The following GIGYF2 variants were observed in gnomAD, a reference collection of about 807,000 sequenced individuals.
GIGYF2 encodes GRB10-interacting GYF protein 2.
A neutral mutation model predicts 208.1 loss-of-function variants in GIGYF2; 25 were observed. The ratio of observed to expected loss-of-function variants is 0.12; its 90% CI spans 0.09 to 0.17. The LOEUF is 0.17. Ranked by LOEUF, GIGYF2 falls within the 10% of genes least tolerant of loss-of-function variation. The probability of loss-of-function intolerance (pLI) is 1.00; values close to 1 mark genes in which losing one functional copy is unlikely to be tolerated. For synonymous variants in GIGYF2, 534 were observed against 543.8 expected, an observed-to-expected ratio of 0.98 and a Z score of 0.25; for missense variants, 1,302 against 1,579.4, an observed-to-expected ratio of 0.82 and a Z score of 2.98.
chr2:232,720,581 ATATT>A (rs1696889356), intron 2 of GIGYF2, among the ~76,000 whole-genome samples: 1 of 117,844 alleles, frequency 8.5e-6, no homozygotes, highest in Non-Finnish European at 1.9e-5. Context: ...ATATATATAT[ATATT>A]TTTGTTTGTT....
At chr2:232,717,717 GT>G (rs1696752967) in intron 2 of GIGYF2, among the ~76,000 whole-genome samples, 1 of 152,096 alleles carries the variant, frequency 6.6e-6, no homozygotes, top group Admixed American at 6.6e-5. Context: ...GGGAGCCAGT[GT>G]GTGTAGATCT....
intron 2 of GIGYF2, among the ~76,000 whole-genome samples, chr2:232,711,777 G>T (rs1696424167): frequency 7.0e-6 from 1 of 143,776 alleles, no homozygotes; most frequent in Non-Finnish European, 1.5e-5. Context: ...GATATTCTTT[G>T]ATATTACACT....
intron 8 of GIGYF2, among the ~76,000 whole-genome samples, chr2:232,762,988 C>T (rs1450475579): frequency 1.4e-5 from 2 of 145,566 alleles, no homozygotes; most frequent in Admixed American, 1.3e-4. Flanking sequence ...CACCATTGCA[C>T]TCTCTAGCCC....
intron 18 of GIGYF2, among the ~76,000 whole-genome samples, chr2:232,813,271 C>T (rs1242460655): frequency 6.7e-6 from 1 of 148,862 alleles, no homozygotes; most frequent in African/African-American, 2.5e-5. Context: ...CTCATCGCAA[C>T]CTCTGCTTCC....
At chr2:232,747,423 A>C (rs758329476) in intron 3 of GIGYF2, among the ~76,000 whole-genome samples, 192 bp from the exon 4 acceptor site, 1 of 152,182 alleles carries the variant, frequency 6.6e-6, no homozygotes, top group Non-Finnish European at 1.5e-5. Context: ...TTGTCTAGTT[A>C]TCTCTCAATA....
chr2:232,735,481 G>A (rs973836921), intron 3 of GIGYF2: 9 of 387,878 alleles, frequency 2.3e-5, no homozygotes, highest in Admixed American at 8.5e-5. Context: ...AGTCCCACCC[G>A]CCCTAGAAAA....
intron 2 of GIGYF2, chr2:232,731,291 C>G (rs143050763): frequency 6.6e-6 from 1 of 152,306 alleles, no homozygotes; most frequent in East Asian, 1.9e-4. Context: ...AAATCACTAA[C>G]AATGAATTTA....
chr2:232,825,745 G>A (rs1701227985), intron 21 of GIGYF2, among the ~76,000 whole-genome samples: 1 of 151,990 alleles, frequency 6.6e-6, no homozygotes, highest in African/African-American at 2.4e-5. Flanking sequence ...TAGGGTACAT[G>A]TGCACAGCAT....
rs78063441 is a variant in GIGYF2 at position 232,857,657 on chromosome 2, T to C, written c.*797T>C. ...AATTTTTCTTTCTTACAAAAACTGA[T>C]TTTTCCCATAAATATTTTTACTTCA... On this transcript the variant is annotated 3_prime_UTR_variant, in exon 29 of 29. Coordinates refer to ENST00000373563, the MANE Select transcript of GIGYF2 (RefSeq NM_001103146.3). The C allele has an allele frequency of 6.6e-6, 1 of 152,654 alleles. No homozygotes were observed. Among genetic ancestry groups the C allele is most frequent in the African/African-American group, 2.4e-5 (1 of 41,444 alleles). The allele number at this position is 152,654 out of a possible 1,614,324, so 9.5% of individuals were successfully genotyped here. A position where few individuals can be genotyped will look rare whatever the true frequency, so the allele number is the denominator to read the frequency against.
rs940928737 is a variant in GIGYF2, at chr2:232,750,144, C to T, written c.267+1062C>T. 2.6e-5 allele frequency among the ~76,000 whole-genome samples: 4 copies of T among 151,752 alleles called. No homozygotes were observed. The East Asian group carries it at 7.7e-4, about 29-fold the overall frequency. On this transcript the variant is annotated intron_variant, in intron 5 of 28. Transcript: ENST00000373563. ...AGATTGCAGTGAGCTGAGATTGCAT[C>T]ACTGCACTCCAGCCTGGGCAAAGAG... is the stretch of plus-strand genomic sequence containing the variant.
At chr2:232,718,217 C>T (rs1696780551) in intron 2 of GIGYF2, among the ~76,000 whole-genome samples, 1 of 152,094 alleles carries the variant, frequency 6.6e-6, no homozygotes, top group Admixed American at 6.5e-5. Flanking sequence ...CCTGTCTCAG[C>T]CTCCCAAGTA....
At chr2:232,805,926 A>G (rs1356696406) in intron 14 of GIGYF2, among the ~76,000 whole-genome samples, 1 of 152,218 alleles carries the variant, frequency 6.6e-6, no homozygotes, top group Non-Finnish European at 1.5e-5. Context: ...TGAATGAATT[A>G]ATGGTTTTTA....
At chr2:232,753,047 C>T (rs2106317696) in intron 5 of GIGYF2, among the ~76,000 whole-genome samples, 1 of 152,196 alleles carries the variant, frequency 6.6e-6, no homozygotes, top group African/African-American at 2.4e-5. Context: ...CTATTTCACA[C>T]ACACACACAT....
chr2:232,767,933 C>G, intron 8 of GIGYF2: 1 of 460,912 alleles, frequency 2.2e-6, no homozygotes, highest in Non-Finnish European at 3.9e-6. Flanking sequence ...CTTATAAATT[C>G]ACCAGCAACA....
At chr2:232,818,028 CTTG>C (rs1389649020) in intron 20 of GIGYF2, among the ~76,000 whole-genome samples, 1 of 152,202 alleles carries the variant, frequency 6.6e-6, no homozygotes, top group Non-Finnish European at 1.5e-5. Flanking sequence ...CTCACCAACA[CTTG>C]TTATTTTATT....
rs930169877 is a variant in GIGYF2 at position 232,753,280 on chromosome 2, C to T, written c.268-2943C>T. ...CTGGGATTATAGACGCCCGCCACCACGCCTGGCTAATTTTTGTATTTTTAG... is the reference window on the plus strand; with the variant it reads ...CTGGGATTATAGACGCCCGCCACCATGCCTGGCTAATTTTTGTATTTTTAG... On this transcript the variant is annotated intron_variant, in intron 5 of 28. Coordinates refer to ENST00000373563, the MANE Select transcript of GIGYF2 (RefSeq NM_001103146.3). 2.0e-5 allele frequency among the ~76,000 whole-genome samples: 3 copies of T among 152,000 alleles called. 1 individual carries two copies. The highest frequency in any genetic ancestry group is 4.2e-4 in the South Asian group (2 of 4,814).
chr2:232,725,688 C>A (rs1196331752), intron 2 of GIGYF2, among the ~76,000 whole-genome samples: 1 of 152,212 alleles, frequency 6.6e-6, no homozygotes, highest in Non-Finnish European at 1.5e-5. Context: ...GAGCTTACTT[C>A]GCATAGTTCA....
At position 232,817,178 on chromosome 2, in the gene GIGYF2, CTG is replaced by C. The variant is rs1223087395; in HGVS notation, c.2370+148_2370+149del. The C allele has an allele frequency of 4.7e-5, 35 of 743,208 alleles. No homozygotes were observed. The African/African-American group carries it at 5.7e-4, about 12-fold the overall frequency. 46.0% of individuals were successfully genotyped at this position (743,208 alleles called of 1,614,324 possible). The stretch of plus-strand genomic sequence containing the variant: ...ACTCACTCACCTTTGGAAAGAATCT[CTG>C]TTTTTCACCAACACCCACTGTAGGG... On this transcript the variant is annotated intron_variant, in intron 20 of 28. Transcript: ENST00000373563.
intron 18 of GIGYF2, among the ~76,000 whole-genome samples, chr2:232,814,453 C>T (rs1700840676): frequency 6.6e-6 from 1 of 151,230 alleles, no homozygotes; most frequent in African/African-American, 2.4e-5. Context: ...ATCCCAGCTA[C>T]TCCGGAGGCT....
Sources: allele counts gnomAD v4.1 joint callset (sites outside exome capture counted in the v4.1 genomes callset), GRCh38; gene constraint gnomAD v4.1.1; transcripts MANE v1.5; gene names NCBI Gene and HGNC (gene_info 2026-07-23, HGNC 2026-07-21).